THSD4: variants seen among roughly 807,000 people sequenced by gnomAD.
THSD4 encodes the protein thrombospondin type 1 domain containing 4, also known as thrombospondin type-1 domain-containing protein 4.
In THSD4, 69 loss-of-function variants were observed where a neutral mutation model predicts 119.0. The observed-to-expected ratio is 0.58, with a 90% CI of 0.48 to 0.71. The LOEUF (loss-of-function observed/expected upper bound fraction) is 0.71, where lower values mean the gene tolerates loss of function less well. THSD4 is among the 30% of genes least tolerant of loss of function. The pLI, the probability that THSD4 is intolerant of heterozygous loss-of-function variation, is 0.00. For missense variants in THSD4, 1,393 were observed against 1,391.1 expected, an observed-to-expected ratio of 1.00 and a Z score of -0.02; for synonymous variants, 524 against 540.4, an observed-to-expected ratio of 0.97 and a Z score of 0.42.
At chr15:71,738,100 A>G in intron 11 of THSD4, 93 bp downstream of exon 11, 1 of 1,502,668 alleles carries the variant, frequency 6.7e-7, no homozygotes, top group East Asian at 2.4e-5. Flanking sequence ...CTTTTTTGGC[A>G]CCAGGGACTG....
At chr15:71,424,268 T>C (rs114799427) in intron 7 of THSD4, among the ~76,000 whole-genome samples, 1 of 152,160 alleles carries the variant, frequency 6.6e-6, no homozygotes, top group Non-Finnish European at 1.5e-5. Context: ...GCTTCTCCTC[T>C]GCACTTTAGA....
intron 7 of THSD4, among the ~76,000 whole-genome samples, chr15:71,638,434 T>C (rs528105081): frequency 9.9e-5 from 15 of 152,228 alleles, no homozygotes; most frequent in Non-Finnish European, 2.1e-4. Flanking sequence ...CCAGCAGCAC[T>C]GAGTTAGAGG....
At chr15:71,202,551 A>T (rs1267476701) in intron 3 of THSD4, among the ~76,000 whole-genome samples, 1 of 152,194 alleles carries the variant, frequency 6.6e-6, no homozygotes, top group Non-Finnish European at 1.5e-5. Flanking sequence ...TGTTTTATTT[A>T]AACATTCCTC....
At chr15:71,360,721 T>C (rs1415243736) in intron 6 of THSD4, among the ~76,000 whole-genome samples, 1 of 152,234 alleles carries the variant, frequency 6.6e-6, no homozygotes, top group Non-Finnish European at 1.5e-5. Flanking sequence ...TTAGAAATTA[T>C]CTAATCTCAC....
intron 6 of THSD4, among the ~76,000 whole-genome samples, chr15:71,346,209 C>A (rs113040628): frequency 4.6e-5 from 7 of 152,154 alleles, no homozygotes; most frequent in African/African-American, 1.7e-4. Context: ...GAATATAGAC[C>A]ATTATTAGGT....
At chr15:71,337,251 G>A (rs536991995) in intron 6 of THSD4, among the ~76,000 whole-genome samples, 1 of 152,198 alleles carries the variant, frequency 6.6e-6, no homozygotes, top group East Asian at 1.9e-4. Flanking sequence ...CAGTGGTAGG[G>A]TCTAGAGTGG....
At chr15:71,164,772 A>G in intron 3 of THSD4, 1 of 1,595,306 alleles carries the variant, frequency 6.3e-7, no homozygotes, top group East Asian at 2.2e-5. Context: ...GAACCAACTT[A>G]TTCATCATCA....
intron 7 of THSD4, among the ~76,000 whole-genome samples, chr15:71,443,821 A>G (rs911279602): frequency 3.9e-5 from 6 of 152,270 alleles, no homozygotes; most frequent in Admixed American, 6.5e-5. Context: ...GGAAAATAGA[A>G]TTTCAAAACT....
rs76764802 is a variant in THSD4 at position 71,406,074 on chromosome 15, C to T, written c.1016-5613C>T. ...AGTTACAGGTTACACGCATGAGCAC[C>T]GTCCCTGGCCCTCAAAGTATTTTCT... On this transcript the variant is annotated intron_variant, in intron 6 of 17. Coordinates refer to ENST00000261862, the MANE Select transcript of THSD4 (RefSeq NM_024817.3). Among the ~76,000 whole-genome samples, 556 of 151,788 alleles carry T rather than the reference C, an allele frequency of 3.7e-3. 4 individuals carry two copies. The highest frequency in any genetic ancestry group is 0.012 in the African/African-American group (496 of 41,440).
intron 3 of THSD4, among the ~76,000 whole-genome samples, chr15:71,213,258 G>GT (rs1361129525): frequency 6.6e-6 from 1 of 152,160 alleles, no homozygotes; most frequent in Non-Finnish European, 1.5e-5. Context: ...CTTTGTCTCT[G>GT]TGTCCGTGTC....
intron 6 of THSD4, among the ~76,000 whole-genome samples, chr15:71,306,355 A>G (rs115867908): frequency 0.031 from 4,156 of 135,192 alleles, 120 homozygotes; most frequent in African/African-American, 0.075. Flanking sequence ...GGTATTATAT[A>G]TTTTTTGATG....
intron 7 of THSD4, among the ~76,000 whole-genome samples, chr15:71,512,818 C>G (rs567830787): frequency 8.5e-5 from 13 of 152,198 alleles, no homozygotes; most frequent in African/African-American, 2.9e-4. Context: ...AGTGAAACAT[C>G]CATACGAGAG....
intron 6 of THSD4, among the ~76,000 whole-genome samples, chr15:71,350,624 A>G (rs905353349): frequency 1.3e-5 from 2 of 152,136 alleles, no homozygotes; most frequent in African/African-American, 4.8e-5. Flanking sequence ...AAAACTCTGA[A>G]GTTTAGTTTC....
chr15:71,421,736 T>C (rs1595751928), intron 7 of THSD4, among the ~76,000 whole-genome samples: 1 of 152,198 alleles, frequency 6.6e-6, no homozygotes, highest in Non-Finnish European at 1.5e-5. Flanking sequence ...TTCTCTGTTA[T>C]TATCCCTTTG....
At chr15:71,362,534 G>T (rs1248985542) in intron 6 of THSD4, among the ~76,000 whole-genome samples, 1 of 152,098 alleles carries the variant, frequency 6.6e-6, no homozygotes, top group African/African-American at 2.4e-5. Context: ...CATCTTCCTA[G>T]ATTAAAGACT....
intron 8 of THSD4, among the ~76,000 whole-genome samples, chr15:71,686,020 G>C (rs900147618): frequency 2.0e-5 from 3 of 152,098 alleles, no homozygotes; most frequent in South Asian, 4.1e-4. Context: ...AGAATGCAGA[G>C]TTCCCATGTA....
intron 4 of THSD4, among the ~76,000 whole-genome samples, chr15:71,235,977 A>T (rs954517676): frequency 6.6e-6 from 1 of 152,154 alleles, no homozygotes; most frequent in African/African-American, 2.4e-5. Context: ...AGGGGTGGTC[A>T]GCCTCATTGC....
rs140881383 is a variant in THSD4, at chr15:71,254,294, C to G, written c.913-2319C>G. Among the ~76,000 whole-genome samples, 69 of 152,308 alleles carry G rather than the reference C, an allele frequency of 4.5e-4. No individual in the cohort carries two copies. In the East Asian group the frequency reaches 0.013, roughly 29 times the overall value. ...GCTCTGCTTCTGTGTCACTGTGGAGCCTTTGGCAAGGCTTGCCACATCTCC... is the reference window on the plus strand; with the variant it reads ...GCTCTGCTTCTGTGTCACTGTGGAGGCTTTGGCAAGGCTTGCCACATCTCC... On this transcript the variant is annotated intron_variant, in intron 5 of 17. Transcript: ENST00000261862.
chr15:71,118,397 G>C (rs761602786), intron 1 of THSD4, among the ~76,000 whole-genome samples: 1 of 152,042 alleles, frequency 6.6e-6, no homozygotes, highest in Non-Finnish European at 1.5e-5. Flanking sequence ...TTGCCAGGCA[G>C]TGTATCCCAC....
Sources: gnomAD v4.1 joint callset for allele counts (sites outside exome capture counted in the v4.1 genomes callset) on GRCh38, gnomAD v4.1.1 for gene constraint, MANE v1.5 for transcripts, NCBI Gene and HGNC (gene_info 2026-07-23, HGNC 2026-07-21) for gene names.